Variants in EML6 observed in about 807,000 individuals in gnomAD.
The protein encoded by EML6 is echinoderm microtubule-associated protein-like 6.
A neutral mutation model predicts 240.1 loss-of-function variants in EML6; 154 were observed. The ratio of observed to expected loss-of-function variants is 0.64; its 90% CI spans 0.56 to 0.73. The LOEUF is 0.73. EML6 is among the 30% of genes least tolerant of loss of function. The pLI, the probability that EML6 is intolerant of heterozygous loss-of-function variation, is 0.00. For synonymous variants in EML6, 1,148 were observed against 899.0 expected, an observed-to-expected ratio of 1.28 and a Z score of -4.95; for missense variants, 2,964 against 2,474.6, an observed-to-expected ratio of 1.20 and a Z score of -4.20.
At chr2:54,932,687 T>C (rs1490792744) in intron 28 of EML6, among the ~76,000 whole-genome samples, 1 of 152,230 alleles carries the variant, frequency 6.6e-6, no homozygotes, top group Non-Finnish European at 1.5e-5. Flanking sequence ...CAATTTAAGA[T>C]ACAAAATGCT....
At chr2:54,964,783 A>G (rs2104547792) in intron 38 of EML6, 50 bp downstream of exon 38, 1 of 1,518,130 alleles carries the variant, frequency 6.6e-7, no homozygotes, top group East Asian at 2.5e-5. Context: ...TAACAGCAGT[A>G]ATAACAATGG....
chr2:54,959,685 C>T (rs1573219918), intron 34 of EML6, among the ~76,000 whole-genome samples: 2 of 152,166 alleles, frequency 1.3e-5, no homozygotes, highest in South Asian at 4.2e-4. Flanking sequence ...TGGCTGGAAC[C>T]CAGGAAGCGG....
At chr2:54,772,418 C>A (rs1454145320) in intron 2 of EML6, among the ~76,000 whole-genome samples, 1 of 152,086 alleles carries the variant, frequency 6.6e-6, no homozygotes, top group African/African-American at 2.4e-5. Flanking sequence ...AGAAAATAGT[C>A]ATATGGAACG....
In EML6 at chr2:54,879,241, G is replaced by A. The variant is rs554748051; in HGVS notation, c.2345-306G>A. Among the ~76,000 whole-genome samples the A allele has an allele frequency of 5.9e-5, 9 of 152,300 alleles. 1 individual carries two copies. Among genetic ancestry groups the A allele is most frequent in the African/African-American group, 2.2e-4 (9 of 41,568 alleles). ...TGTGTCTCAGAATGTCAGGTCGGCA[G>A]TTTACTTCGGCAGCCCGTTATGCAT... On this transcript the variant is annotated intron_variant, in intron 16 of 41. Coordinates refer to ENST00000356458, the MANE Select transcript of EML6 (RefSeq NM_001039753.4).
At chr2:54,895,116 A>T (rs534816212) in intron 20 of EML6, 90 bp downstream of exon 20, 1 of 1,319,056 alleles carries the variant, frequency 7.6e-7, no homozygotes, top group South Asian at 1.3e-5. Context: ...TTAGCAAATC[A>T]ATTTTCTCCC....
chr2:54,807,077 C>G (rs142363834), intron 2 of EML6, among the ~76,000 whole-genome samples: 1 of 152,222 alleles, frequency 6.6e-6, no homozygotes, highest in East Asian at 1.9e-4. Flanking sequence ...TTCCACATGG[C>G]CAATCAATTC....
At chr2:54,902,649 T>G (rs1310265004) in intron 22 of EML6, among the ~76,000 whole-genome samples, 1 of 152,242 alleles carries the variant, frequency 6.6e-6, no homozygotes, top group African/African-American at 2.4e-5. Context: ...TCCACCTGCC[T>G]TGGCCTCCCA....
intron 2 of EML6, among the ~76,000 whole-genome samples, chr2:54,734,279 A>G (rs1335536197): frequency 1.3e-5 from 2 of 152,376 alleles, no homozygotes; most frequent in East Asian, 1.9e-4. Flanking sequence ...CAGTGGTTGC[A>G]GTGAGCTGAG....
chr2:54,890,960 G>C, intron 17 of EML6, 94 bp from the exon 18 acceptor site: 1 of 557,778 alleles, frequency 1.8e-6, no homozygotes, highest in Non-Finnish European at 3.2e-6. Flanking sequence ...GGTCCTGTTA[G>C]ATGTGCTTAA....
chr2:54,801,903 A>T (rs1047424739), intron 2 of EML6, among the ~76,000 whole-genome samples: 1 of 152,134 alleles, frequency 6.6e-6, no homozygotes, highest in Non-Finnish European at 1.5e-5. Flanking sequence ...AACTACTGTT[A>T]TCAAGAATAA....
intron 28 of EML6, 52 bp from the exon 29 acceptor site, chr2:54,948,830 C>G: frequency 7.0e-7 from 1 of 1,425,774 alleles, no homozygotes; most frequent in Non-Finnish European, 9.7e-7. Flanking sequence ...GGGAAGGCAG[C>G]CTTGCAGCCC....
At chr2:54,791,338 A>C (rs1669441705) in intron 2 of EML6, among the ~76,000 whole-genome samples, 1 of 152,186 alleles carries the variant, frequency 6.6e-6, no homozygotes, top group African/African-American at 2.4e-5. Flanking sequence ...GAAGGTGCCT[A>C]CATTCTGTCC....
At chr2:54,922,489 G>A (rs80189155) in intron 26 of EML6, among the ~76,000 whole-genome samples, 1 of 151,910 alleles carries the variant, frequency 6.6e-6, no homozygotes, top group African/African-American at 2.4e-5. Context: ...CGATATGGAG[G>A]TTCCTCAAAA....
intron 5 of EML6, among the ~76,000 whole-genome samples, chr2:54,825,668 C>T (rs147036923): frequency 1.3e-5 from 2 of 152,258 alleles, no homozygotes; most frequent in Non-Finnish European, 2.9e-5. Flanking sequence ...CCGATTTGGT[C>T]CTTCATTGTG....
At chr2:54,934,442 A>G (rs1675028280) in intron 28 of EML6, among the ~76,000 whole-genome samples, 1 of 152,152 alleles carries the variant, frequency 6.6e-6, no homozygotes, top group Admixed American at 6.6e-5. Context: ...GACATCTGCC[A>G]GGAGACCCAC....
intron 2 of EML6, among the ~76,000 whole-genome samples, chr2:54,737,892 A>G (rs1683467466): frequency 1.3e-5 from 2 of 152,114 alleles, no homozygotes; most frequent in African/African-American, 2.4e-5. Flanking sequence ...GATCCACTCC[A>G]GCCACACTGG....
intron 8 of EML6, among the ~76,000 whole-genome samples, chr2:54,845,329 A>G (rs1258027937): frequency 6.6e-5 from 10 of 152,110 alleles, no homozygotes; most frequent in Non-Finnish European, 1.2e-4. Flanking sequence ...TTACTCTTGA[A>G]TTTTCCCGCT....
chr2:54,912,546 T>C (rs967588932), intron 25 of EML6, among the ~76,000 whole-genome samples: 1 of 152,174 alleles, frequency 6.6e-6, no homozygotes, highest in Non-Finnish European at 1.5e-5. Flanking sequence ...AGATAGTGTT[T>C]CAGCCTTTGC....
At chr2:54,797,506 A>G (rs1183851343) in intron 2 of EML6, among the ~76,000 whole-genome samples, 1 of 152,230 alleles carries the variant, frequency 6.6e-6, no homozygotes, top group Admixed American at 6.5e-5. Context: ...GACCACTGCA[A>G]TAAAGCGAGT....
Sources: gnomAD v4.1 joint callset for allele counts (sites outside exome capture counted in the v4.1 genomes callset) on GRCh38, gnomAD v4.1.1 for gene constraint, MANE v1.5 for transcripts, NCBI Gene and HGNC (gene_info 2026-07-23, HGNC 2026-07-21) for gene names.